NAV3: variants seen among roughly 807,000 people sequenced by gnomAD.
The protein encoded by NAV3 is neuron navigator 3.
In NAV3, 87 loss-of-function variants were observed where a neutral mutation model predicts 244.7. The ratio of observed to expected loss-of-function variants is 0.36; its 90% confidence interval spans 0.30 to 0.42. The LOEUF is 0.42. Among genes scored for constraint, NAV3 ranks in the 20% least tolerant of loss-of-function variants. The pLI is 1.00. For synonymous variants in NAV3, 1,126 were observed against 1,042.2 expected (o/e 1.08, Z -1.55); for missense variants, 2,663 against 2,893.3 (o/e 0.92, Z 1.83).
intron 2 of NAV3, among the ~76,000 whole-genome samples, chr12:77,806,056 T>C (rs1209785132): frequency 6.6e-6 from 1 of 152,196 alleles, no homozygotes; most frequent in Non-Finnish European, 1.5e-5. Flanking sequence ...TTCTTCTCTC[T>C]TTTCATCTTT....
At chr12:78,145,010 A>G (rs1352290015) in intron 20 of NAV3, 2 of 265,538 alleles carry the variant, frequency 7.5e-6, no homozygotes, top group South Asian at 3.5e-5. Context: ...ACTAATAGAC[A>G]TAGTTACATA....
At position 77,748,675 on chromosome 12, in the gene NAV3, G is replaced by T. The variant is rs150854031; in HGVS notation, c.72+176409G>T. On this transcript the variant is annotated intron_variant, in intron 2 of 8. Coordinates refer to the NAV3 transcript ENST00000550042. ...ACTGAATAATCTCACTTAGATGTGGGGTCTACAAGAGTCCAACTTAAAGAG... is the reference window on the plus strand; with the variant it reads ...ACTGAATAATCTCACTTAGATGTGGTGTCTACAAGAGTCCAACTTAAAGAG... Among the ~76,000 whole-genome samples the T allele has an allele frequency of 4.6e-5, 7 of 152,206 alleles. No individual in the cohort carries two copies. In the East Asian group the frequency reaches 1.2e-3, roughly 25 times the overall value.
At chr12:77,635,797 A>G (rs1872128973) in intron 2 of NAV3, among the ~76,000 whole-genome samples, 1 of 152,228 alleles carries the variant, frequency 6.6e-6, no homozygotes, top group Non-Finnish European at 1.5e-5. Context: ...GCTGTGAGGT[A>G]GGAACAATTA....
chr12:77,896,031 G>A (rs1267148075), intron 1 of NAV3, among the ~76,000 whole-genome samples: 1 of 147,996 alleles, frequency 6.8e-6, no homozygotes, highest in Non-Finnish European at 1.5e-5. Context: ...TTACAAAAAT[G>A]AGAAAGTGCC....
At chr12:78,091,804 A>AG (rs1377668913) in intron 12 of NAV3, 2 of 150,070 alleles carry the variant, frequency 1.3e-5, no homozygotes, top group South Asian at 2.1e-4. Context: ...TCAAAAAAAA[A>AG]AAAAAAAAAT....
intron 33 of NAV3, among the ~76,000 whole-genome samples, chr12:78,189,162 A>G (rs1958859606): frequency 6.6e-6 from 1 of 151,878 alleles, no homozygotes; most frequent in African/African-American, 2.4e-5. Flanking sequence ...GTGTATGCCT[A>G]ATAAATACCC....
intron 12 of NAV3, among the ~76,000 whole-genome samples, chr12:78,082,057 GTTC>G (rs1953382104): frequency 6.6e-6 from 1 of 152,116 alleles, no homozygotes; most frequent in Non-Finnish European, 1.5e-5. Flanking sequence ...TTCCCATGCT[GTTC>G]TTCTGCTAGT....
chr12:78,192,923 G>C (rs755250980), intron 34 of NAV3, among the ~76,000 whole-genome samples: 19 of 152,094 alleles, frequency 1.2e-4, no homozygotes, highest in Non-Finnish European at 2.6e-4. Flanking sequence ...AGTTGGGGGT[G>C]AGGGTAAGTG....
At chr12:78,051,231 G>T in intron 11 of NAV3, 84 bp downstream of exon 11, 1 of 1,473,108 alleles carries the variant, frequency 6.8e-7, no homozygotes. Context: ...AAATGTGTAA[G>T]TTTGCCCAGA....
At chr12:77,841,005 G>A (rs2136164246) in intron 1 of NAV3, among the ~76,000 whole-genome samples, 1 of 152,342 alleles carries the variant, frequency 6.6e-6, no homozygotes, top group African/African-American at 2.4e-5. Context: ...GGACTCTTCT[G>A]TCTCTGCAAA....
At chr12:77,714,699 A>C (rs546633636) in intron 2 of NAV3, among the ~76,000 whole-genome samples, 38 of 152,286 alleles carry the variant, frequency 2.5e-4, no homozygotes, top group African/African-American at 7.9e-4. Flanking sequence ...TTTCATTTTT[A>C]ATTTTGGCAT....
upstream of NAV3, among the ~76,000 whole-genome samples, chr12:77,830,322 C>T (rs1380273904): frequency 6.6e-6 from 1 of 152,150 alleles, no homozygotes; most frequent in Non-Finnish European, 1.5e-5. Flanking sequence ...TACATTCTTT[C>T]CCCCTTTCTA....
intron 3 of NAV3, among the ~76,000 whole-genome samples, chr12:77,952,142 T>C (rs189118767): frequency 1.3e-5 from 2 of 152,076 alleles, no homozygotes; most frequent in African/African-American, 4.8e-5. Context: ...CGGATGATGA[T>C]TGTGTCTTCT....
chr12:77,929,622 T>C (rs898721939), intron 1 of NAV3, among the ~76,000 whole-genome samples: 1 of 151,818 alleles, frequency 6.6e-6, no homozygotes, highest in Admixed American at 6.6e-5. Flanking sequence ...TATAACCTTA[T>C]TTTTATTTAT....
intron 2 of NAV3, among the ~76,000 whole-genome samples, chr12:77,626,336 T>C (rs1565742513): frequency 6.6e-6 from 1 of 152,056 alleles, no homozygotes; most frequent in Non-Finnish European, 1.5e-5. Context: ...TGACCAATTA[T>C]ATGAATTTTG....
chr12:78,169,454 C>A lies in NAV3; in HGVS notation c.4981+588C>A, dbSNP rs1289676443. On this transcript the variant is annotated intron_variant, in intron 24 of 39. Transcript: ENST00000397909. ...AGGGGTATTTCTGCCACTGCCCCTA[C>A]CCCTGGGTTCACCACTGAAGAAATG... 2.0e-5 allele frequency among the ~76,000 whole-genome samples: 3 copies of A among 151,646 alleles called. No homozygotes were observed. The East Asian group carries it at 5.8e-4, about 29-fold the overall frequency.
At chr12:78,012,651 A>G (rs1043414209) in intron 8 of NAV3, among the ~76,000 whole-genome samples, 11 of 152,236 alleles carry the variant, frequency 7.2e-5, no homozygotes, top group African/African-American at 2.4e-4. Context: ...ACTGTCTTCT[A>G]GATCACTGCA....
intron 1 of NAV3, among the ~76,000 whole-genome samples, chr12:77,874,328 C>G (rs1328998020): frequency 6.6e-6 from 1 of 152,108 alleles, no homozygotes; most frequent in Admixed American, 6.6e-5. Flanking sequence ...AAGCAATCCT[C>G]CAGCCTCAGC....
At chr12:77,963,588 A>C (rs1565964880) in intron 3 of NAV3, among the ~76,000 whole-genome samples, 2 of 152,194 alleles carry the variant, frequency 1.3e-5, no homozygotes, top group African/African-American at 4.8e-5. Flanking sequence ...TGTTGAATAA[A>C]TAAATGCACT....
Sources: allele counts gnomAD v4.1 joint callset (sites outside exome capture counted in the v4.1 genomes callset), GRCh38; gene constraint gnomAD v4.1.1; transcripts MANE v1.5; gene names NCBI Gene and HGNC (gene_info 2026-07-23, HGNC 2026-07-21).